Variants in CNNM2 observed in about 807,000 individuals in gnomAD.
CNNM2 encodes the protein metal transporter CNNM2.
CNNM2 carries 12 observed loss-of-function variants against 66.9 expected under a neutral mutation model. The observed-to-expected ratio is 0.18, with a 90% CI of 0.11 to 0.29. The LOEUF is 0.29. Among genes scored for constraint, CNNM2 ranks in the 10% least tolerant of loss-of-function variants. The pLI, the probability that CNNM2 is intolerant of heterozygous loss-of-function variation, is 1.00. For missense variants in CNNM2, 705 were observed against 1,167.7 expected (o/e 0.60, Z 5.77); for synonymous variants, 557 against 501.8 (o/e 1.11, Z -1.47).
intron 1 of CNNM2, among the ~76,000 whole-genome samples, chr10:103,042,945 A>G (rs1240734352): frequency 6.6e-6 from 1 of 151,932 alleles, no homozygotes; most frequent in East Asian, 1.9e-4. Flanking sequence ...TTGCAATTTT[A>G]TTGATTCCTA....
At position 103,089,646 on chromosome 10, in the gene CNNM2, G is replaced by A. The variant is rs2134443667; in HGVS notation, c.*12466G>A. On this transcript the variant is annotated 3_prime_UTR_variant, in exon 8 of 8. Transcript: ENST00000369878. ...GAGTCCTGCCAGGACTTGTTTAATGGGTGCTTGGGGTTTTGGTTTTCCTCC... is the reference window on the plus strand; with the variant it reads ...GAGTCCTGCCAGGACTTGTTTAATGAGTGCTTGGGGTTTTGGTTTTCCTCC... 6.4e-7 allele frequency: 1 copy of A among 1,555,946 alleles called. No individual in the cohort carries two copies.
At chr10:102,947,060 A>AT (rs916225500) in intron 1 of CNNM2, among the ~76,000 whole-genome samples, 10 of 151,840 alleles carry the variant, frequency 6.6e-5, no homozygotes, top group African/African-American at 1.5e-4. Context: ...TGAAGAACTG[A>AT]TTTTTTTTCT....
intron 1 of CNNM2, among the ~76,000 whole-genome samples, chr10:103,019,845 G>A (rs1000231932): frequency 6.6e-6 from 1 of 152,158 alleles, no homozygotes; most frequent in East Asian, 1.9e-4. Flanking sequence ...ATATTGATAT[G>A]AAGAGACTTT....
At chr10:102,995,943 G>A (rs2063991634) in intron 1 of CNNM2, among the ~76,000 whole-genome samples, 1 of 151,832 alleles carries the variant, frequency 6.6e-6, no homozygotes. Flanking sequence ...CAGGTGATCT[G>A]CCTGCCTGGG....
chr10:103,075,917 G>T (rs564917212), intron 6 of CNNM2, among the ~76,000 whole-genome samples, 169 bp from the exon 7 acceptor site: 1 of 152,228 alleles, frequency 6.6e-6, no homozygotes, highest in Non-Finnish European at 1.5e-5. Flanking sequence ...AGGGAAGCCC[G>T]CGAGTCCGCC....
At chr10:102,947,463 C>A (rs923083027) in intron 1 of CNNM2, among the ~76,000 whole-genome samples, 1 of 152,000 alleles carries the variant, frequency 6.6e-6, no homozygotes, top group Non-Finnish European at 1.5e-5. Flanking sequence ...AGAAAAAAAA[C>A]CACTGACTGC....
chr10:103,021,385 T>C (rs1411703487), intron 1 of CNNM2, among the ~76,000 whole-genome samples: 1 of 152,088 alleles, frequency 6.6e-6, no homozygotes, highest in African/African-American at 2.4e-5. Context: ...CGAATGTGTG[T>C]GTGTGAGGAG....
At chr10:102,998,170 T>C (rs775648291) in intron 1 of CNNM2, among the ~76,000 whole-genome samples, 11 of 152,234 alleles carry the variant, frequency 7.2e-5, no homozygotes, top group Non-Finnish European at 1.6e-4. Context: ...TGTGTTTTTC[T>C]TACTCATAAT....
rs2065833496 is a variant in CNNM2, at chr10:103,087,238, A to ATTTG, written c.*10062_*10065dup. 1 of 133,954 alleles carries ATTTG rather than the reference A, an allele frequency of 7.5e-6. No homozygotes were observed. Among genetic ancestry groups the ATTTG allele is most frequent in the African/African-American group, 2.9e-5 (1 of 34,224 alleles). The allele number at this position is 133,954 out of a possible 1,614,324, so 8.3% of individuals were successfully genotyped here. ...ACTGGCAACAGAGAGAAAACTCATAATTTGTTTTAAAAAGCCCAGTTACAG... is the reference window on the plus strand; with the variant it reads ...ACTGGCAACAGAGAGAAAACTCATAATTTGTTTGTTTTAAAAAGCCCAGTTACAG... On this transcript the variant is annotated 3_prime_UTR_variant, in exon 8 of 8. Coordinates refer to ENST00000369878, the MANE Select transcript of CNNM2 (RefSeq NM_017649.5).
At chr10:102,955,951 A>G (rs1376881222) in intron 1 of CNNM2, among the ~76,000 whole-genome samples, 8 of 151,852 alleles carry the variant, frequency 5.3e-5, no homozygotes, top group Non-Finnish European at 1.2e-4. Flanking sequence ...GGTCAGTTCA[A>G]GACCAGCCTG....
chr10:103,081,424 A>T lies in CNNM2; in HGVS notation c.*4244A>T, dbSNP rs1454337679. The T allele has an allele frequency of 6.6e-6, 1 of 152,156 alleles. No homozygotes were observed. Among genetic ancestry groups the T allele is most frequent in the Non-Finnish European group, 1.5e-5 (1 of 68,042 alleles). The allele number at this position is 152,156 out of a possible 1,614,324, so 9.4% of individuals were successfully genotyped here. On this transcript the variant is annotated 3_prime_UTR_variant, in exon 8 of 8. Coordinates refer to ENST00000369878, the MANE Select transcript of CNNM2 (RefSeq NM_017649.5). ...GTTGTAGGTTAACCCAGAATTTAGT[A>T]GGGATATAGGGGTTTGAATAGGAAA... is the stretch of plus-strand genomic sequence containing the variant.
intron 1 of CNNM2, among the ~76,000 whole-genome samples, chr10:102,960,146 T>C (rs1387662034): frequency 6.6e-6 from 1 of 152,164 alleles, no homozygotes; most frequent in East Asian, 1.9e-4. Context: ...AAATAATCCA[T>C]GTGAAGAGCT....
chr10:102,966,342 T>A (rs1321400338), intron 1 of CNNM2, among the ~76,000 whole-genome samples: 9 of 152,186 alleles, frequency 5.9e-5, no homozygotes, highest in Non-Finnish European at 1.3e-4. Context: ...TAAAAAAGGA[T>A]CTTGTTGGCC....
intron 1 of CNNM2, among the ~76,000 whole-genome samples, chr10:102,988,532 T>C (rs1271963046): frequency 6.6e-6 from 1 of 152,036 alleles, no homozygotes; most frequent in African/African-American, 2.4e-5. Context: ...TTATACAAAG[T>C]ATAGACCTTT....
At chr10:103,059,528 T>C (rs182854994) in intron 4 of CNNM2, among the ~76,000 whole-genome samples, 94 of 152,286 alleles carry the variant, frequency 6.2e-4, no homozygotes, top group African/African-American at 2.0e-3. Flanking sequence ...TCCCACTACA[T>C]ATGCATAAAA....
At chr10:102,964,573 G>A (rs1002868678) in intron 1 of CNNM2, among the ~76,000 whole-genome samples, 1 of 152,064 alleles carries the variant, frequency 6.6e-6, no homozygotes, top group Non-Finnish European at 1.5e-5. Context: ...TTGGCATCAG[G>A]TGTCCTGTAT....
Position 103,030,711 on chromosome 10 carries a change from A to AG in CNNM2, c.1622-18989dup, listed in dbSNP as rs545570600. 7.2e-5 allele frequency among the ~76,000 whole-genome samples: 11 copies of AG among 152,232 alleles called. No homozygotes were observed. The East Asian group carries it at 1.5e-3, about 21-fold the overall frequency. On this transcript the variant is annotated intron_variant, in intron 1 of 7. Coordinates refer to ENST00000369878, the MANE Select transcript of CNNM2 (RefSeq NM_017649.5). ...CAACAGAGTGAGGCTCCCTCTTGGC[A>AG]GGGGGGGAAGTCGATATTTAGGAGG...
intron 1 of CNNM2, among the ~76,000 whole-genome samples, chr10:103,020,399 G>A (rs1365318846): frequency 1.3e-5 from 2 of 151,990 alleles, no homozygotes; most frequent in East Asian, 1.9e-4. Context: ...CAGGTGATCC[G>A]CTTGCGTCAG....
At chr10:103,063,116 G>C (rs1400818991) in intron 4 of CNNM2, among the ~76,000 whole-genome samples, 1 of 152,258 alleles carries the variant, frequency 6.6e-6, no homozygotes, top group Non-Finnish European at 1.5e-5. Context: ...TGGTCAGTCA[G>C]ATGGTCCAAA....
Sources: allele counts gnomAD v4.1 joint callset (sites outside exome capture counted in the v4.1 genomes callset), GRCh38; gene constraint gnomAD v4.1.1; transcripts MANE v1.5; gene names NCBI Gene and HGNC (gene_info 2026-07-23, HGNC 2026-07-21).